The following DHRSX variants were observed in gnomAD, a reference collection of about 807,000 sequenced individuals.
The protein encoded by DHRSX is polyprenol dehydrogenase.
A neutral mutation model predicts 34.0 loss-of-function variants in DHRSX; 31 were observed. That is an observed-to-expected ratio of 0.91 (90% confidence interval 0.69 to 1.23). The LOEUF (loss-of-function observed/expected upper bound fraction) is 1.23, where lower values mean the gene tolerates loss of function less well. Among genes scored for constraint, DHRSX ranks in the 50% most tolerant of loss-of-function variants. The pLI, the probability that DHRSX is intolerant of heterozygous loss-of-function variation, is 0.00. For missense variants in DHRSX, 414 were observed against 428.1 expected, an observed-to-expected ratio of 0.97 and a Z score of 0.29; for synonymous variants, 201 against 183.8, an observed-to-expected ratio of 1.09 and a Z score of -0.76.
intron 3 of DHRSX, among the ~76,000 whole-genome samples, chrX:2,294,386 A>C (rs1278130313): frequency 1.2e-4 from 18 of 152,140 alleles, no homozygotes; most frequent in Non-Finnish European, 7.4e-5. Context: ...TCTACTAAAA[A>C]TACAAAAATT....
chrX:2,376,995 C>CA (rs368026648), intron 3 of DHRSX, among the ~76,000 whole-genome samples: 1,574 of 144,458 alleles, frequency 0.011, 15 homozygotes, highest in Middle Eastern at 0.043. Flanking sequence ...AACTCTATCT[C>CA]AAAAAAAAAA....
At chrX:2,475,134 T>A (rs1220502444) in intron 1 of DHRSX, among the ~76,000 whole-genome samples, 1 of 149,760 alleles carries the variant, frequency 6.7e-6, no homozygotes, top group African/African-American at 2.5e-5. Context: ...ACCACTGCTG[T>A]GTGCAGTGAA....
At chrX:2,388,567 T>G (rs116296838) in intron 3 of DHRSX, among the ~76,000 whole-genome samples, 10,504 of 143,846 alleles carry the variant, frequency 0.073, 747 homozygotes, top group African/African-American at 0.19. Flanking sequence ...CAGCCTCCAG[T>G]ACTGTGGGAG....
intron 5 of DHRSX, among the ~76,000 whole-genome samples, chrX:2,252,899 AT>A (rs1334501888): frequency 1.3e-5 from 2 of 152,180 alleles, no homozygotes; most frequent in African/African-American, 4.8e-5. Context: ...AGTCGTTGGT[AT>A]TAGGCCGGGA....
intron 3 of DHRSX, chrX:2,336,427 A>G (rs1206967901): frequency 1.3e-5 from 2 of 152,146 alleles, no homozygotes. Context: ...TTATCTAGCA[A>G]CAAGGTTAAC....
intron 3 of DHRSX, among the ~76,000 whole-genome samples, chrX:2,309,258 C>G (rs2042136122): frequency 6.6e-6 from 1 of 151,946 alleles, no homozygotes. Flanking sequence ...GATAAGTGCC[C>G]TGATACTGAC....
At chrX:2,486,337 A>G (rs1022415609) in intron 1 of DHRSX, 1 of 152,136 alleles carries the variant, frequency 6.6e-6, no homozygotes, top group Non-Finnish European at 1.5e-5. Flanking sequence ...AAATAAAAAT[A>G]ATAATAATGA....
chrX:2,304,211 G>A (rs1182240619), intron 3 of DHRSX, among the ~76,000 whole-genome samples: 37 of 130,532 alleles, frequency 2.8e-4, no homozygotes, highest in African/African-American at 9.8e-4. Context: ...ATAAATGGAT[G>A]GATGGATGGA....
intron 3 of DHRSX, among the ~76,000 whole-genome samples, chrX:2,309,284 A>T (rs1196456138): frequency 1.3e-5 from 2 of 152,170 alleles, no homozygotes; most frequent in Non-Finnish European, 2.9e-5. Flanking sequence ...GGACAAAAAG[A>T]GTCTGAGGTG....
At chrX:2,419,073 T>C (rs2043736173) in intron 2 of DHRSX, among the ~76,000 whole-genome samples, 1 of 152,126 alleles carries the variant, frequency 6.6e-6, no homozygotes, top group Non-Finnish European at 1.5e-5. Flanking sequence ...AACCCAATCC[T>C]TTTGCATCTA....
intron 2 of DHRSX, among the ~76,000 whole-genome samples, chrX:2,423,124 G>C (rs1275075472): frequency 6.7e-6 from 1 of 149,912 alleles, no homozygotes; most frequent in Non-Finnish European, 1.5e-5. Context: ...TTTTTTAAAT[G>C]AGCCAGGGCC....
chrX:2,342,090 G>C (rs985843668), intron 3 of DHRSX, among the ~76,000 whole-genome samples: 2 of 152,122 alleles, frequency 1.3e-5, no homozygotes, highest in Non-Finnish European at 2.9e-5. Flanking sequence ...ACAGGCGTGA[G>C]CCACCTCGCC....
intron 1 of DHRSX, among the ~76,000 whole-genome samples, chrX:2,472,705 G>C (rs2044611755): frequency 6.6e-6 from 1 of 152,120 alleles, no homozygotes; most frequent in Admixed American, 6.5e-5. Flanking sequence ...GGAGACGGAG[G>C]TTGCAGTGAA....
chrX:2,365,696 G>A, intron 3 of DHRSX, among the ~76,000 whole-genome samples: 1 of 152,192 alleles, frequency 6.6e-6, no homozygotes, highest in East Asian at 1.9e-4. Flanking sequence ...GGTAGCTCAG[G>A]GATACCTATG....
intron 1 of DHRSX, among the ~76,000 whole-genome samples, chrX:2,453,171 A>G (rs942123930): frequency 3.9e-5 from 6 of 152,174 alleles, no homozygotes; most frequent in Non-Finnish European, 8.8e-5. Context: ...AAAGCTGAAC[A>G]CATAAATGCA....
intron 5 of DHRSX, among the ~76,000 whole-genome samples, chrX:2,244,806 G>T (rs1475479372): frequency 6.6e-6 from 1 of 151,900 alleles, no homozygotes; most frequent in African/African-American, 2.4e-5. Flanking sequence ...CCTCCTCTCG[G>T]GTTCAAGTCA....
chrX:2,485,962 G>A lies in DHRSX; in HGVS notation c.109+14855C>T, dbSNP rs753940187. Among the ~76,000 whole-genome samples the A allele has an allele frequency of 2.0e-5, 3 of 151,836 alleles. No individual in the cohort carries two copies. The South Asian group carries it at 6.3e-4, about 32-fold the overall frequency. ...AAGGATTTGTTGGCTGAAGAAGAGA[G>A]GGAGGGTTGGACGGAAGGAGGAGGG... On this transcript the variant is annotated intron_variant, in intron 1 of 6. Coordinates refer to ENST00000334651, the MANE Select transcript of DHRSX (RefSeq NM_145177.3).
chrX:2,283,983 CACTCATTCCTTTGA>C (rs373406037), intron 4 of DHRSX, among the ~76,000 whole-genome samples: 4 of 51,780 alleles, frequency 7.7e-5, no homozygotes, highest in African/African-American at 2.8e-4. Flanking sequence ...CCTTTGAATT[CACTCATTCCTTTGA>C]ATTCATTCAT....
intron 1 of DHRSX, among the ~76,000 whole-genome samples, chrX:2,439,523 G>T (rs2044038115): frequency 6.6e-6 from 1 of 152,154 alleles, no homozygotes; most frequent in Non-Finnish European, 1.5e-5. Flanking sequence ...GGGGATGATT[G>T]AAGTGCATTC....
Sources: allele counts gnomAD v4.1 joint callset (sites outside exome capture counted in the v4.1 genomes callset), GRCh38; gene constraint gnomAD v4.1.1; transcripts MANE v1.5; gene names NCBI Gene and HGNC (gene_info 2026-07-23, HGNC 2026-07-21).